ANK1: variants seen among roughly 807,000 people sequenced by gnomAD.
The protein encoded by ANK1 is ankyrin 1.
Under a neutral mutation model 210.4 loss-of-function variants are expected in ANK1, and 51 were observed. That is an observed-to-expected ratio of 0.24 (90% confidence interval 0.19 to 0.31). ANK1 has a LOEUF of 0.31. Among genes scored for constraint, ANK1 ranks in the 10% least tolerant of loss-of-function variants. The pLI, the probability that ANK1 is intolerant of heterozygous loss-of-function variation, is 1.00. For missense variants in ANK1, 2,051 were observed against 2,504.4 expected, an observed-to-expected ratio of 0.82 and a Z score of 3.86; for synonymous variants, 967 against 1,025.9, an observed-to-expected ratio of 0.94 and a Z score of 1.10.
At position 41,698,262 on chromosome 8, in the gene ANK1, T is replaced by G. The variant is rs2150600322; in HGVS notation, c.2559-141A>C. On this transcript the variant is annotated intron_variant, in intron 23 of 42. Transcript: ENST00000289734. Reference sequence around the variant, plus strand: ...TTCACAACCTGGTGGAAGGACCGCCTCCTCCTCCATGAAGTCCTCCCCAAT... The same window carrying G: ...TTCACAACCTGGTGGAAGGACCGCCGCCTCCTCCATGAAGTCCTCCCCAAT... 8 of 797,310 alleles carry G rather than the reference T, an allele frequency of 1.0e-5. No individual in the cohort carries two copies. In the South Asian group the frequency reaches 1.0e-4, roughly 10 times the overall value. 49.4% of individuals were successfully genotyped at this position (797,310 alleles called of 1,614,324 possible).
chr8:41,805,365 C>T (rs1332695844), intron 1 of ANK1, among the ~76,000 whole-genome samples: 1 of 152,034 alleles, frequency 6.6e-6, no homozygotes, highest in Non-Finnish European at 1.5e-5. Flanking sequence ...ACCTCAGCCT[C>T]GAAGTAGCTG....
chr8:41,691,552 T>C (rs1819276300), intron 31 of ANK1, among the ~76,000 whole-genome samples: 1 of 152,194 alleles, frequency 6.6e-6, no homozygotes, highest in African/African-American at 2.4e-5. Flanking sequence ...TTAACCCAAG[T>C]GGGTCTCTTA....
At chr8:41,833,057 C>T (rs1325404872) in intron 1 of ANK1, among the ~76,000 whole-genome samples, 2 of 152,244 alleles carry the variant, frequency 1.3e-5, no homozygotes, top group Non-Finnish European at 2.9e-5. Context: ...ACTCCCACCC[C>T]TACCACAATC....
intron 6 of ANK1, 50 bp downstream of exon 6, chr8:41,725,691 GGCGTGCGCGGTGCCCCCTGA>G: frequency 6.4e-7 from 1 of 1,553,020 alleles, no homozygotes; most frequent in East Asian, 2.4e-5. Flanking sequence ...GAAGTCGCTG[GGCGTGCGCGGTGCCCCCTGA>G]GCCCACGGGC....
chr8:41,715,949 T>C lies in ANK1; in HGVS notation c.1405-100A>G, dbSNP rs906034189. The C allele has an allele frequency of 2.7e-5, 38 of 1,405,558 alleles. No individual in the cohort carries two copies. The African/African-American group carries it at 4.8e-4, about 18-fold the overall frequency. 87.1% of individuals were successfully genotyped at this position (1,405,558 alleles called of 1,614,324 possible). On this transcript the variant is annotated intron_variant, in intron 13 of 42. Coordinates refer to ENST00000289734, the MANE Select transcript of ANK1 (RefSeq NM_000037.4). ...CAAGGCAGGGCCCAGAGAGGGCAAG[T>C]GACCTTCTCAAGGTCACACAGCTAA...
intron 1 of ANK1, among the ~76,000 whole-genome samples, chr8:41,836,914 T>C (rs1168561532): frequency 1.4e-5 from 2 of 143,858 alleles, no homozygotes; most frequent in African/African-American, 2.7e-5. Flanking sequence ...AGTAAGAAGC[T>C]ATCTCTGGGG....
intron 1 of ANK1, among the ~76,000 whole-genome samples, chr8:41,811,985 GAA>G (rs1802567851): frequency 6.6e-6 from 1 of 152,202 alleles, no homozygotes; most frequent in Non-Finnish European, 1.5e-5. Flanking sequence ...AGAGTTAAAT[GAA>G]GCTGCTTGCT....
intron 1 of ANK1, among the ~76,000 whole-genome samples, chr8:41,787,346 C>T (rs1437552207): frequency 6.6e-6 from 1 of 152,220 alleles, no homozygotes; most frequent in African/African-American, 2.4e-5. Flanking sequence ...CTACCTATGG[C>T]TTCTGTGTAG....
rs1821124214 is a variant in ANK1 at position 41,696,767 on chromosome 8, T to C, written c.2644A>G (p.Lys882Glu). 1.9e-6 allele frequency: 3 copies of C among 1,599,806 alleles called. No homozygotes were observed. The highest frequency in any genetic ancestry group is 8.5e-7 in the Non-Finnish European group (1 of 1,179,696). The change falls in exon 25 of 43, where the codon AAA becomes GAA. Residue 882 changes from lysine to glutamate, a missense_variant. By Grantham distance (56) the Lys-to-Glu change is moderately conservative. Transcript: ENST00000289734. ...ATGAGGGAGTCCTCATCATACTCTT[T>C]AGATGCCTGAGGAGAGAGAAAGGGT... ...IRSEEQEQASKEYDEDSLIPS... is the reference protein window; with the variant it reads ...IRSEEQEQASEEYDEDSLIPS...
chr8:41,714,118 G>T, intron 16 of ANK1, 38 bp downstream of exon 16: 1 of 1,291,122 alleles, frequency 7.7e-7, no homozygotes, highest in Non-Finnish European at 1.0e-6. Flanking sequence ...CAGGTGACCT[G>T]CTCTCCAGGG....
intron 1 of ANK1, among the ~76,000 whole-genome samples, chr8:41,781,456 G>A (rs939874803): frequency 2.0e-5 from 3 of 152,206 alleles, no homozygotes; most frequent in African/African-American, 4.8e-5. Flanking sequence ...TGCCTGCTGC[G>A]TGGGTACCAC....
intron 2 of ANK1, among the ~76,000 whole-genome samples, chr8:41,744,536 CTTTT>C (rs3063769): frequency 1.0e-4 from 13 of 125,458 alleles, no homozygotes; most frequent in Admixed American, 1.6e-4. Flanking sequence ...GATTTCTTTT[CTTTT>C]TTTTTTTTTT....
At chr8:41,682,673 G>A (rs1816438692) in intron 37 of ANK1, among the ~76,000 whole-genome samples, 1 of 152,230 alleles carries the variant, frequency 6.6e-6, no homozygotes, top group Non-Finnish European at 1.5e-5. Flanking sequence ...AGGGGTCTGT[G>A]GCCCGGGGAG....
intron 2 of ANK1, among the ~76,000 whole-genome samples, chr8:41,755,489 A>G (rs1563675953): frequency 6.6e-6 from 1 of 152,214 alleles, no homozygotes; most frequent in African/African-American, 2.4e-5. Context: ...CACTGCGGAG[A>G]AACACATCTG....
intron 39 of ANK1, among the ~76,000 whole-genome samples, chr8:41,666,227 G>A (rs6989203): frequency 0.24 from 35,829 of 152,162 alleles, 4,307 homozygotes; most frequent in Middle Eastern, 0.3. Context: ...CACTATGAAT[G>A]ATAATGGCAA....
intron 34 of ANK1, 106 bp from the exon 35 acceptor site, chr8:41,688,336 T>C: frequency 4.2e-6 from 6 of 1,440,490 alleles, no homozygotes; most frequent in Admixed American, 1.7e-5. Context: ...ACTGGGGTGA[T>C]TGTCTAGACT....
At chr8:41,707,725 T>A (rs1384749660) in intron 17 of ANK1, among the ~76,000 whole-genome samples, 1 of 152,176 alleles carries the variant, frequency 6.6e-6, no homozygotes, top group Admixed American at 6.5e-5. Flanking sequence ...CCATGAGATA[T>A]AATGAATATA....
At chr8:41,738,614 G>A (rs996143681) in intron 2 of ANK1, among the ~76,000 whole-genome samples, 1 of 152,196 alleles carries the variant, frequency 6.6e-6, no homozygotes. Context: ...GAAGGAGGAG[G>A]AGGACTGCAA....
At chr8:41,869,150 G>A (rs1815022274) in intron 1 of ANK1, among the ~76,000 whole-genome samples, 1 of 152,202 alleles carries the variant, frequency 6.6e-6, no homozygotes, top group South Asian at 2.1e-4. Flanking sequence ...AGTGGGAGGT[G>A]TCAGAAGACG....
Sources: allele counts gnomAD v4.1 joint callset (sites outside exome capture counted in the v4.1 genomes callset), GRCh38; gene constraint gnomAD v4.1.1; transcripts MANE v1.5; gene names NCBI Gene and HGNC (gene_info 2026-07-23, HGNC 2026-07-21).